The following LAMTOR3 variants were observed in gnomAD, a reference collection of about 807,000 sequenced individuals.
LAMTOR3 encodes ragulator complex protein LAMTOR3.
Under a neutral mutation model 20.3 loss-of-function variants are expected in LAMTOR3, and 14 were observed. The ratio of observed to expected loss-of-function variants is 0.69; its 90% CI spans 0.46 to 1.08. The LOEUF (loss-of-function observed/expected upper bound fraction) is 1.08. Ranked by LOEUF, LAMTOR3 falls within the 50% of genes least tolerant of loss-of-function variation. The pLI is 0.00. For missense variants in LAMTOR3, 125 were observed against 143.7 expected, an observed-to-expected ratio of 0.87 and a Z score of 0.67; for synonymous variants, 40 against 49.4, an observed-to-expected ratio of 0.81 and a Z score of 0.80.
rs781051156 is a variant in LAMTOR3 at position 99,894,069 on chromosome 4, C to A, written c.-37-69G>T. ...CGTCCTCCCCACCCACAACTTAATA[C>A]GCGAGATCAGCCCTGGTCAGAACCA... is the stretch of plus-strand genomic sequence containing the variant. On this transcript the variant is annotated intron_variant, in intron 1 of 6. Transcript: ENST00000499666. 3.1e-5 allele frequency: 32 copies of A among 1,028,150 alleles called. No homozygotes were observed. In the African/African-American group the frequency reaches 4.6e-4, roughly 15 times the overall value. The allele number at this position is 1,028,150 out of a possible 1,614,324, so 63.7% of individuals were successfully genotyped here.
In LAMTOR3 at chr4:99,881,251, A is replaced by T. The variant is rs905663742; in HGVS notation, c.*743T>A. On this transcript the variant is annotated 3_prime_UTR_variant, in exon 7 of 7. Coordinates refer to ENST00000499666, the MANE Select transcript of LAMTOR3 (RefSeq NM_021970.4). ...TTATTTTTACTCACATATGAAAAAA[A>T]TGGCTGTACTATCATGTTTACATAC... 10 of 152,244 alleles carry T rather than the reference A, an allele frequency of 6.6e-5. No homozygotes were observed. Among genetic ancestry groups the T allele is most frequent in the Non-Finnish European group, 1.3e-4 (9 of 68,046 alleles). 9.4% of individuals were successfully genotyped at this position (152,244 alleles called of 1,614,324 possible).
At chr4:99,888,719 T>A (rs935830452) in intron 3 of LAMTOR3, among the ~76,000 whole-genome samples, 1 of 152,220 alleles carries the variant, frequency 6.6e-6, no homozygotes, top group African/African-American at 2.4e-5. Context: ...CAAAAACTTT[T>A]AAGTCAGAAA....
Position 99,894,368 on chromosome 4 carries a change from G to C in LAMTOR3, c.-71C>G, listed in dbSNP as rs538451159. ...TCTGGGCTGCCTGGTTCTCTCCGCT[G>C]TCACTTCAGGGACAGCTTTAAAGAC... On this transcript the variant is annotated 5_prime_UTR_variant, in exon 1 of 7. Coordinates refer to ENST00000499666, the MANE Select transcript of LAMTOR3 (RefSeq NM_021970.4). The C allele has an allele frequency of 5.5e-5, 10 of 183,052 alleles. No individual in the cohort carries two copies. Among genetic ancestry groups the C allele is most frequent in the Non-Finnish European group, 1.1e-4 (10 of 88,724 alleles). 11.3% of individuals were successfully genotyped at this position (183,052 alleles called of 1,614,324 possible). A position where few individuals can be genotyped will look rare whatever the true frequency, so the allele number is the denominator to read the frequency against.
At chr4:99,894,439 CGCTCCAGG>C (rs1203085047), upstream of LAMTOR3, 1 of 153,454 alleles carries the variant, frequency 6.5e-6, no homozygotes, top group Non-Finnish European at 1.5e-5. Flanking sequence ...ACCTCGTCTG[CGCTCCAGG>C]AAGCACTTTC....
At chr4:99,882,257 AT>A (rs1724841778) in intron 6 of LAMTOR3, among the ~76,000 whole-genome samples, 190 bp from the exon 7 acceptor site, 2 of 152,194 alleles carry the variant, frequency 1.3e-5, no homozygotes, top group Non-Finnish European at 2.9e-5. Flanking sequence ...AGTGTTTTGA[AT>A]TCTGGAATAT....
intron 3 of LAMTOR3, 118 bp downstream of exon 3, chr4:99,891,879 ATAT>A: frequency 7.0e-7 from 1 of 1,428,116 alleles, no homozygotes. Context: ...CTGGCAAAAA[ATAT>A]TCATATTAAA....
chr4:99,884,988 A>G (rs1182892416), intron 5 of LAMTOR3, among the ~76,000 whole-genome samples: 1 of 152,136 alleles, frequency 6.6e-6, no homozygotes, highest in African/African-American at 2.4e-5. Context: ...AAAAAAGAGT[A>G]ACTTACATCA....
Position 99,880,541 on chromosome 4 carries a change from C to A in LAMTOR3, c.*1453G>T, listed in dbSNP as rs776024927. The A allele has an allele frequency of 2.0e-5, 3 of 151,824 alleles. No individual in the cohort carries two copies. The highest frequency in any genetic ancestry group is 4.4e-5 in the Non-Finnish European group (3 of 68,070). 9.4% of individuals were successfully genotyped at this position (151,824 alleles called of 1,614,324 possible). ...CCAGGAGGCAGAGGTTACAGTGAGG[C>A]AAGATCATGCCACCACTGCACTCCA... On this transcript the variant is annotated 3_prime_UTR_variant, in exon 7 of 7. Transcript: ENST00000499666.
intron 2 of LAMTOR3, among the ~76,000 whole-genome samples, chr4:99,893,605 T>C (rs903303846): frequency 1.3e-5 from 2 of 152,220 alleles, no homozygotes; most frequent in Non-Finnish European, 2.9e-5. Context: ...CATGTCCTAC[T>C]GACCAAATTC....
At position 99,880,308 on chromosome 4, in the gene LAMTOR3, C is replaced by T. The variant is rs1715592256; in HGVS notation, c.*1686G>A. 6.6e-6 allele frequency: 1 copy of T among 152,082 alleles called. No homozygotes were observed. The highest frequency in any genetic ancestry group is 6.6e-5 in the Admixed American group (1 of 15,260). The allele number at this position is 152,082 out of a possible 1,614,324, so 9.4% of individuals were successfully genotyped here. On this transcript the variant is annotated 3_prime_UTR_variant, in exon 7 of 7. Transcript: ENST00000499666. ...AGGATGGAAGGAAGAAAAAGTAGCACATGGCCCGGTGCAGTGGCTCACACC... is the reference window on the plus strand; with the variant it reads ...AGGATGGAAGGAAGAAAAAGTAGCATATGGCCCGGTGCAGTGGCTCACACC...
chr4:99,894,481 C>G (rs993440221), upstream of LAMTOR3: 1 of 152,082 alleles, frequency 6.6e-6, no homozygotes, highest in Non-Finnish European at 1.5e-5. Context: ...CCCTACGATA[C>G]GGGATTTCCG....
chr4:99,887,215 TG>T, intron 4 of LAMTOR3, 80 bp downstream of exon 4: 1 of 849,344 alleles, frequency 1.2e-6, no homozygotes, highest in Non-Finnish European at 1.8e-6. Flanking sequence ...TATGTTTGCC[TG>T]CTGTACTACT....
Position 99,881,761 on chromosome 4 carries a change from A to T in LAMTOR3, c.*233T>A. On this transcript the variant is annotated 3_prime_UTR_variant, in exon 7 of 7. Coordinates refer to ENST00000499666, the MANE Select transcript of LAMTOR3 (RefSeq NM_021970.4). ...ACTCCATGGGAGCTGTGATAGACTGAACCATTTCTGTGGTATCCCTAGATC... is the reference window on the plus strand; with the variant it reads ...ACTCCATGGGAGCTGTGATAGACTGTACCATTTCTGTGGTATCCCTAGATC... The T allele has an allele frequency of 2.1e-6, 1 of 474,372 alleles. No individual in the cohort carries two copies. The highest frequency in any genetic ancestry group is 4.0e-5 in the Admixed American group (1 of 24,890). 29.4% of individuals were successfully genotyped at this position (474,372 alleles called of 1,614,324 possible).
chr4:99,883,778 C>CAAAA (rs368560480), intron 6 of LAMTOR3, among the ~76,000 whole-genome samples: 1 of 101,540 alleles, frequency 9.8e-6, no homozygotes, highest in African/African-American at 3.6e-5. Context: ...TTCCTGTCTC[C>CAAAA]AAAAAAAAAA....
chr4:99,890,304 A>T (rs1724999149), intron 3 of LAMTOR3, among the ~76,000 whole-genome samples: 2 of 152,262 alleles, frequency 1.3e-5, no homozygotes, highest in Non-Finnish European at 2.9e-5. Flanking sequence ...GGTCACAACC[A>T]GATTTTAAAT....
intron 5 of LAMTOR3, among the ~76,000 whole-genome samples, chr4:99,884,972 A>G (rs1213224415): frequency 6.7e-6 from 1 of 149,234 alleles, no homozygotes; most frequent in African/African-American, 2.4e-5. Flanking sequence ...TCTTGGAAGA[A>G]AAAAAAAAAA....
Position 99,883,923 on chromosome 4 carries a change from G to GA in LAMTOR3, c.301+138dup, listed in dbSNP as rs1479267752. 134 of 614,856 alleles carry GA rather than the reference G, an allele frequency of 2.2e-4. 1 individual carries two copies. The highest frequency in any genetic ancestry group is 4.5e-4 in the Middle Eastern group (1 of 2,246). The allele number at this position is 614,856 out of a possible 1,614,324, so 38.1% of individuals were successfully genotyped here. The stretch of plus-strand genomic sequence containing the variant: ...GAGAAATCACTTTTCCCAAGACATG[G>GA]AAAAAAGACAGTGAAACTGGGCCAC... On this transcript the variant is annotated intron_variant, in intron 6 of 6. Transcript: ENST00000499666.
intron 4 of LAMTOR3, among the ~76,000 whole-genome samples, chr4:99,886,996 C>A (rs1724940846): frequency 6.6e-6 from 1 of 152,066 alleles, no homozygotes; most frequent in Non-Finnish European, 1.5e-5. Flanking sequence ...TGCTCACTCT[C>A]ATCACTTAGA....
At chr4:99,888,450 G>T (rs904332178) in intron 3 of LAMTOR3, among the ~76,000 whole-genome samples, 2 of 152,180 alleles carry the variant, frequency 1.3e-5, no homozygotes, top group Non-Finnish European at 2.9e-5. Context: ...CAAATATACT[G>T]TGTTAAAAAA....
Sources: allele counts gnomAD v4.1 joint callset (sites outside exome capture counted in the v4.1 genomes callset), GRCh38; gene constraint gnomAD v4.1.1; transcripts MANE v1.5; gene names NCBI Gene and HGNC (gene_info 2026-07-23, HGNC 2026-07-21).